ATG7: variants seen among roughly 807,000 people sequenced by gnomAD.
ATG7 encodes the protein ubiquitin-like modifier-activating enzyme ATG7.
ATG7 carries 70 observed loss-of-function variants against 82.4 expected under a neutral mutation model. The observed-to-expected ratio is 0.85, with a 90% CI of 0.70 to 1.04. ATG7 has a LOEUF of 1.04. ATG7 is among the 50% of genes least tolerant of loss of function. The probability of loss-of-function intolerance (pLI) is 0.00; values close to 1 mark genes in which losing one functional copy is unlikely to be tolerated. For missense variants in ATG7, 792 were observed against 864.3 expected (o/e 0.92, Z 1.05); for synonymous variants, 287 against 313.0 (o/e 0.92, Z 0.88).
intron 20 of ATG7, chr3:11,510,077 G>T: frequency 2.9e-6 from 1 of 339,872 alleles, no homozygotes. Flanking sequence ...TATTCTGCCC[G>T]CCCATCTTCT....
chr3:11,340,337 A>G (rs1209121161), intron 11 of ATG7, among the ~76,000 whole-genome samples: 2 of 151,870 alleles, frequency 1.3e-5, no homozygotes, highest in Non-Finnish European at 2.9e-5. Flanking sequence ...GCAACTTCCA[A>G]TAACAGTGAA....
chr3:11,454,116 A>G (rs1270276001), intron 20 of ATG7, among the ~76,000 whole-genome samples: 1 of 152,186 alleles, frequency 6.6e-6, no homozygotes, highest in East Asian at 1.9e-4. Flanking sequence ...CTAGAGAGAC[A>G]CTGAGCTCTT....
chr3:11,484,222 C>T (rs546308994), intron 20 of ATG7, among the ~76,000 whole-genome samples: 5 of 152,168 alleles, frequency 3.3e-5, no homozygotes, highest in African/African-American at 1.2e-4. Flanking sequence ...AGTAGAACCC[C>T]GTGTCTACCA....
chr3:11,347,357 G>T (rs1392744427), intron 13 of ATG7, among the ~76,000 whole-genome samples: 1 of 152,204 alleles, frequency 6.6e-6, no homozygotes, highest in Non-Finnish European at 1.5e-5. Context: ...CTAAATTCCA[G>T]ATTATTAATA....
At chr3:11,415,955 G>T (rs553194884) in intron 19 of ATG7, among the ~76,000 whole-genome samples, 2 of 152,272 alleles carry the variant, frequency 1.3e-5, no homozygotes, top group East Asian at 3.9e-4. Context: ...AAACATGGAA[G>T]TAATGTTGTT....
intron 3 of ATG7, among the ~76,000 whole-genome samples, chr3:11,296,024 C>T (rs1343508779): frequency 6.6e-6 from 1 of 152,120 alleles, no homozygotes; most frequent in Non-Finnish European, 1.5e-5. Flanking sequence ...GTGATCCACC[C>T]GCCTTGGCCT....
intron 9 of ATG7, among the ~76,000 whole-genome samples, chr3:11,325,308 T>G (rs921549475): frequency 2.6e-5 from 4 of 152,222 alleles, no homozygotes; most frequent in Non-Finnish European, 5.9e-5. Context: ...AGTGTATTTA[T>G]GTTGCTTTTG....
At chr3:11,434,425 C>T (rs1368099582) in intron 20 of ATG7, among the ~76,000 whole-genome samples, 1 of 152,186 alleles carries the variant, frequency 6.6e-6, no homozygotes, top group Non-Finnish European at 1.5e-5. Context: ...ACTTCCAACC[C>T]ATGCTGGCCA....
At chr3:11,432,054 C>A (rs1442706057) in intron 20 of ATG7, among the ~76,000 whole-genome samples, 1 of 152,076 alleles carries the variant, frequency 6.6e-6, no homozygotes, top group Non-Finnish European at 1.5e-5. Flanking sequence ...GGCAAATTAC[C>A]AAGTTAGTTT....
intron 20 of ATG7, chr3:11,446,917 A>G (rs763374764): frequency 6.5e-6 from 1 of 152,810 alleles, no homozygotes; most frequent in Non-Finnish European, 1.5e-5. Flanking sequence ...TCTCTGTAAT[A>G]AAAAGTTTTC....
intron 20 of ATG7, among the ~76,000 whole-genome samples, chr3:11,454,304 A>C (rs1234015568): frequency 1.3e-5 from 2 of 152,224 alleles, no homozygotes; most frequent in African/African-American, 4.8e-5. Flanking sequence ...GACCCCAGGC[A>C]ATCAGCACAT....
At chr3:11,290,886 T>C (rs1477010321) in intron 3 of ATG7, among the ~76,000 whole-genome samples, 1 of 152,086 alleles carries the variant, frequency 6.6e-6, no homozygotes, top group Non-Finnish European at 1.5e-5. Context: ...GGTTTCGCCA[T>C]GTTGGTCAGG....
At chr3:11,505,924 T>C (rs2091679316) in intron 20 of ATG7, among the ~76,000 whole-genome samples, 2 of 152,248 alleles carry the variant, frequency 1.3e-5, no homozygotes, top group African/African-American at 2.4e-5. Flanking sequence ...CTCCACCATC[T>C]TCATGATTAG....
chr3:11,389,339 A>G (rs940705502), intron 19 of ATG7, among the ~76,000 whole-genome samples: 6 of 147,686 alleles, frequency 4.1e-5, no homozygotes, highest in African/African-American at 1.5e-4. Context: ...TACTGTATTT[A>G]TGATAGTGAT....
chr3:11,540,711 C>A (rs2070741643), intron 20 of ATG7, among the ~76,000 whole-genome samples: 1 of 151,748 alleles, frequency 6.6e-6, no homozygotes, highest in African/African-American at 2.4e-5. Flanking sequence ...TATATTTTCT[C>A]AATGTCTTTG....
At chr3:11,321,106 A>G (rs1950153523) in intron 9 of ATG7, among the ~76,000 whole-genome samples, 1 of 152,180 alleles carries the variant, frequency 6.6e-6, no homozygotes, top group Non-Finnish European at 1.5e-5. Context: ...GAAGTAATGG[A>G]TCCTCACCCT....
chr3:11,273,345 T>A (rs1940944343), intron 1 of ATG7, among the ~76,000 whole-genome samples: 1 of 152,218 alleles, frequency 6.6e-6, no homozygotes, highest in South Asian at 2.1e-4. Context: ...CTACTTCTGG[T>A]TGCTCCTGTT....
At chr3:11,383,160 T>C (rs1195520068) in intron 19 of ATG7, among the ~76,000 whole-genome samples, 1 of 152,228 alleles carries the variant, frequency 6.6e-6, no homozygotes, top group Admixed American at 6.5e-5. Context: ...ATGTTCATTA[T>C]AGGTTTTTTC....
At chr3:11,296,929 CAGTT>C (rs1946021636) in intron 3 of ATG7, among the ~76,000 whole-genome samples, 1 of 152,218 alleles carries the variant, frequency 6.6e-6, no homozygotes, top group Non-Finnish European at 1.5e-5. Flanking sequence ...TTTCATTATA[CAGTT>C]TCTATCAATC....
Sources: gnomAD v4.1 joint callset for allele counts (sites outside exome capture counted in the v4.1 genomes callset) on GRCh38, gnomAD v4.1.1 for gene constraint, MANE v1.5 for transcripts, NCBI Gene and HGNC (gene_info 2026-07-23, HGNC 2026-07-21) for gene names.